The following C8orf34 variants were observed in gnomAD, a reference collection of about 807,000 sequenced individuals.
C8orf34 encodes the protein uncharacterized protein C8orf34.
C8orf34 carries 65 observed loss-of-function variants against 68.3 expected under a neutral mutation model. The ratio of observed to expected loss-of-function variants is 0.95; its 90% CI spans 0.78 to 1.17. The LOEUF is 1.17. C8orf34 is among the 50% of genes most tolerant of loss of function. The probability of loss-of-function intolerance (pLI) is 0.00; values close to 1 mark genes in which losing one functional copy is unlikely to be tolerated. For synonymous variants in C8orf34, 244 were observed against 241.2 expected (o/e 1.01, Z -0.11); for missense variants, 664 against 655.4 (o/e 1.01, Z -0.14).
At chr8:68,735,041 T>G (rs956659279) in intron 10 of C8orf34, among the ~76,000 whole-genome samples, 1 of 152,184 alleles carries the variant, frequency 6.6e-6, no homozygotes, top group African/African-American at 2.4e-5. Flanking sequence ...GTGAGGTAAG[T>G]TTATCTTAAT....
chr8:68,598,169 G>A (rs1817599959), intron 7 of C8orf34, among the ~76,000 whole-genome samples: 1 of 152,022 alleles, frequency 6.6e-6, no homozygotes, highest in Non-Finnish European at 1.5e-5. Flanking sequence ...AGGAAGATGG[G>A]CCAATTTTCA....
intron 8 of C8orf34, among the ~76,000 whole-genome samples, chr8:68,686,679 G>A (rs182318126): frequency 1.3e-5 from 2 of 152,068 alleles, no homozygotes; most frequent in South Asian, 2.1e-4. Flanking sequence ...TACTAAATGG[G>A]GAAATGCTGA....
chr8:68,587,111 G>T (rs987843445), intron 7 of C8orf34, among the ~76,000 whole-genome samples: 1 of 152,058 alleles, frequency 6.6e-6, no homozygotes, highest in African/African-American at 2.4e-5. Flanking sequence ...ACAGACTTTG[G>T]TTAGTCACAT....
chr8:68,731,249 A>G (rs1197552413), intron 10 of C8orf34, among the ~76,000 whole-genome samples: 1 of 152,170 alleles, frequency 6.6e-6, no homozygotes, highest in African/African-American at 2.4e-5. Context: ...AAGCTTACAC[A>G]TTTGCAGGGT....
intron 7 of C8orf34, among the ~76,000 whole-genome samples, chr8:68,596,505 A>T (rs190023570): frequency 6.6e-6 from 1 of 152,268 alleles, no homozygotes. Flanking sequence ...GTGTTCTCGC[A>T]GAACACATGA....
At chr8:68,354,017 T>C (rs1056303634) in intron 1 of C8orf34, among the ~76,000 whole-genome samples, 1 of 152,062 alleles carries the variant, frequency 6.6e-6, no homozygotes, top group Non-Finnish European at 1.5e-5. Context: ...TATGTGCTTG[T>C]ATTTGTGTAT....
At chr8:68,655,373 C>A (rs1271293752) in intron 8 of C8orf34, among the ~76,000 whole-genome samples, 1 of 152,072 alleles carries the variant, frequency 6.6e-6, no homozygotes, top group African/African-American at 2.4e-5. Flanking sequence ...TAACTTTTTC[C>A]TGTCATGAAT....
At chr8:68,604,529 T>C (rs951893324) in intron 7 of C8orf34, among the ~76,000 whole-genome samples, 1 of 152,152 alleles carries the variant, frequency 6.6e-6, no homozygotes, top group African/African-American at 2.4e-5. Context: ...ACAATTTTCA[T>C]GTGCTTAAAA....
chr8:68,762,100 C>A (rs962634484), intron 10 of C8orf34, among the ~76,000 whole-genome samples: 3 of 152,160 alleles, frequency 2.0e-5, no homozygotes, highest in Non-Finnish European at 4.4e-5. Context: ...AGTGATAAGT[C>A]TGGTGCTTGG....
At chr8:68,750,279 AAT>A (rs1411643389) in intron 10 of C8orf34, among the ~76,000 whole-genome samples, 1 of 152,178 alleles carries the variant, frequency 6.6e-6, no homozygotes, top group Non-Finnish European at 1.5e-5. Context: ...AGTCATAAGA[AAT>A]AGAGTTCTAT....
intron 1 of C8orf34, among the ~76,000 whole-genome samples, chr8:68,432,584 G>T (rs1169112590): frequency 2.6e-5 from 4 of 152,160 alleles, no homozygotes; most frequent in Middle Eastern, 3.4e-3. Flanking sequence ...CTCAATAAAA[G>T]ACTGATATTT....
chr8:68,418,346 T>A (rs1586095235), intron 1 of C8orf34, among the ~76,000 whole-genome samples: 1 of 151,716 alleles, frequency 6.6e-6, no homozygotes, highest in Admixed American at 6.6e-5. Context: ...ATAGGAGTGG[T>A]GAGAGAGGGC....
At chr8:68,456,425 T>C (rs1811556266) in intron 3 of C8orf34, among the ~76,000 whole-genome samples, 1 of 152,194 alleles carries the variant, frequency 6.6e-6, no homozygotes, top group Non-Finnish European at 1.5e-5. Flanking sequence ...TCCCCATTTA[T>C]ATAGAACAGT....
chr8:68,365,034 A>G (rs1192734687), intron 1 of C8orf34, among the ~76,000 whole-genome samples: 1 of 151,306 alleles, frequency 6.6e-6, no homozygotes, highest in Non-Finnish European at 1.5e-5. Flanking sequence ...GAAGAATCAA[A>G]TAGACACAAT....
Position 68,446,566 on chromosome 8 carries a change from C to T in C8orf34, c.607+106C>T, listed in dbSNP as rs367567430. On this transcript the variant is annotated intron_variant, in intron 3 of 13. Coordinates refer to ENST00000518698, the MANE Select transcript of C8orf34 (RefSeq NM_052958.4). ...AAGCCCAACTTTTCATCTGATATTT[C>T]TGGCCTTTAATCTTAGTGAATTTCA... is the stretch of plus-strand genomic sequence containing the variant. 145 of 1,220,258 alleles carry T rather than the reference C, an allele frequency of 1.2e-4. 1 individual carries two copies. In the African/African-American group the frequency reaches 2.0e-3, roughly 17 times the overall value. 75.6% of individuals were successfully genotyped at this position (1,220,258 alleles called of 1,614,324 possible).
chr8:68,462,532 T>G (rs1019824182), intron 3 of C8orf34, among the ~76,000 whole-genome samples: 5 of 151,586 alleles, frequency 3.3e-5, no homozygotes, highest in Non-Finnish European at 7.4e-5. Context: ...ATTGACCACA[T>G]AGTTGGAAGT....
intron 3 of C8orf34, among the ~76,000 whole-genome samples, chr8:68,449,408 T>G (rs1363377729): frequency 2.0e-5 from 3 of 152,182 alleles, no homozygotes; most frequent in Admixed American, 6.5e-5. Context: ...CAAAAGGAAA[T>G]CATGTACCCA....
chr8:68,369,420 A>C (rs1270149180), intron 1 of C8orf34, among the ~76,000 whole-genome samples: 1 of 152,224 alleles, frequency 6.6e-6, no homozygotes, highest in African/African-American at 2.4e-5. Flanking sequence ...GCCATGCCGG[A>C]CTAGGTCTAA....
intron 10 of C8orf34, among the ~76,000 whole-genome samples, chr8:68,756,086 C>CAA (rs11393381): frequency 0.011 from 1,655 of 145,788 alleles, 25 homozygotes; most frequent in African/African-American, 0.03. Flanking sequence ...AACAAAAAAA[C>CAA]AAAAAAAAAA....
Sources: gnomAD v4.1 joint callset for allele counts (sites outside exome capture counted in the v4.1 genomes callset) on GRCh38, gnomAD v4.1.1 for gene constraint, MANE v1.5 for transcripts, NCBI Gene and HGNC (gene_info 2026-07-23, HGNC 2026-07-21) for gene names.